The following SLC43A2 variants were observed in gnomAD, a reference collection of about 807,000 sequenced individuals.
SLC43A2 encodes the protein solute carrier family 43 member 2.
A neutral mutation model predicts 63.2 loss-of-function variants in SLC43A2; 38 were observed. That is an observed-to-expected ratio of 0.60 (90% CI 0.46 to 0.79). The LOEUF (loss-of-function observed/expected upper bound fraction) is 0.79. Among genes scored for constraint, SLC43A2 ranks in the 30% least tolerant of loss-of-function variants. SLC43A2 has a pLI of 0.00. For missense variants in SLC43A2, 644 were observed against 756.2 expected, an observed-to-expected ratio of 0.85 and a Z score of 1.74; for synonymous variants, 322 against 331.0, an observed-to-expected ratio of 0.97 and a Z score of 0.30.
At chr17:1,604,933 C>CG in intron 5 of SLC43A2, 1 of 1,520,860 alleles carries the variant, frequency 6.6e-7, no homozygotes, top group East Asian at 2.5e-5. Flanking sequence ...TTCGAAGCCG[C>CG]GGTGCCGGAG....
intron 6 of SLC43A2, 30 bp from the exon 7 acceptor site, chr17:1,591,729 G>GT (rs1466406301): frequency 7.0e-6 from 6 of 854,688 alleles, no homozygotes; most frequent in Non-Finnish European, 1.1e-5. Context: ...CGGGGTGGGG[G>GT]GGGGAGGGGG....
At chr17:1,586,926 A>T in intron 9 of SLC43A2, 2 of 1,214,410 alleles carry the variant, frequency 1.6e-6, no homozygotes, top group Non-Finnish European at 2.3e-6. Context: ...ATTCCCTGAC[A>T]ATCCCCCCCA....
intron 5 of SLC43A2, among the ~76,000 whole-genome samples, chr17:1,611,762 G>A (rs1220885544): frequency 6.6e-6 from 1 of 152,188 alleles, no homozygotes; most frequent in Non-Finnish European, 1.5e-5. Flanking sequence ...AGTAATGGTA[G>A]GTACTGTGTC....
chr17:1,579,830 C>A (rs1433626327), intron 11 of SLC43A2, among the ~76,000 whole-genome samples: 1 of 151,902 alleles, frequency 6.6e-6, no homozygotes, highest in Admixed American at 6.6e-5. Flanking sequence ...GGAGTGAGAC[C>A]CTGTCTCAAA....
intron 5 of SLC43A2, among the ~76,000 whole-genome samples, chr17:1,594,651 T>C (rs12946736): frequency 2.9e-5 from 4 of 136,200 alleles, no homozygotes; most frequent in African/African-American, 8.3e-5. Context: ...GCAGTGGCTC[T>C]ATCTCGGCTC....
intron 2 of SLC43A2, among the ~76,000 whole-genome samples, chr17:1,625,439 C>T (rs763532856): frequency 2.6e-5 from 4 of 152,336 alleles, no homozygotes; most frequent in East Asian, 1.9e-4. Context: ...TCTCAATCAG[C>T]CGGACACTGC....
intron 2 of SLC43A2, among the ~76,000 whole-genome samples, chr17:1,626,726 G>A (rs1025969313): frequency 6.6e-6 from 1 of 152,214 alleles, no homozygotes; most frequent in African/African-American, 2.4e-5. Context: ...GATTCAGGAA[G>A]TCAAACCTGG....
chr17:1,613,566 C>T (rs1907321917), intron 4 of SLC43A2, among the ~76,000 whole-genome samples: 1 of 152,190 alleles, frequency 6.6e-6, no homozygotes, highest in South Asian at 2.1e-4. Context: ...GATCCTCCTG[C>T]CTCAGCCTCC....
intron 5 of SLC43A2, among the ~76,000 whole-genome samples, chr17:1,599,488 C>T (rs1567629865): frequency 6.6e-6 from 1 of 150,820 alleles, no homozygotes; most frequent in East Asian, 2.0e-4. Flanking sequence ...TCACTTGAGG[C>T]CAGCAGTTCA....
chr17:1,588,071 G>A (rs545643138), intron 9 of SLC43A2, among the ~76,000 whole-genome samples: 6 of 152,252 alleles, frequency 3.9e-5, no homozygotes, highest in Admixed American at 6.5e-5. Context: ...GGGCACTGCT[G>A]AGGACAGCAT....
rs141016080 is a variant in SLC43A2 at position 1,575,629 on chromosome 17, G to A, written c.1685C>T (p.Ser562Leu). The change falls in exon 14 of 14, where the codon TCG becomes TTG. Residue 562 changes from serine (S) to leucine (L), a missense_variant. By Grantham distance (145) the Ser-to-Leu change is moderately radical. Coordinates refer to ENST00000301335, the MANE Select transcript of SLC43A2 (RefSeq NM_152346.3). ...DDKLFLKING[S>L]SNQEAFV is the part of the protein sequence containing the mutation. ...CTACACGAAGGCCTCCTGGTTGGAC[G>A]AGCCGTTGATTTTGAGGAAGAGTTT... 41 of 1,614,028 alleles carry A rather than the reference G, an allele frequency of 2.5e-5. No individual in the cohort carries two copies. The highest frequency in any genetic ancestry group is 5.3e-5 in the African/African-American group (4 of 74,936).
intron 3 of SLC43A2, among the ~76,000 whole-genome samples, chr17:1,615,975 A>C (rs1275832803): frequency 1.4e-5 from 2 of 145,734 alleles, no homozygotes; most frequent in Non-Finnish European, 3.0e-5. Flanking sequence ...CTGGGGAGGC[A>C]GAGGTTGCCG....
intron 9 of SLC43A2, among the ~76,000 whole-genome samples, chr17:1,590,350 A>T (rs1255827225): frequency 6.6e-6 from 1 of 152,018 alleles, no homozygotes; most frequent in Non-Finnish European, 1.5e-5. Context: ...TGCAGATCCC[A>T]GTGTGGGCCA....
At chr17:1,581,563 T>A (rs1487713945) in intron 11 of SLC43A2, among the ~76,000 whole-genome samples, 2 of 152,218 alleles carry the variant, frequency 1.3e-5, no homozygotes, top group Non-Finnish European at 2.9e-5. Flanking sequence ...AGGGAGGGAC[T>A]CTTACTTCCC....
At position 1,627,648 on chromosome 17, in the gene SLC43A2, C is replaced by T. The variant is rs1908779582; in HGVS notation, c.160+67G>A. ...GTGCTGTGGCTCGCTAGGTCTTCGC[C>T]CCCATCCCGCCCCCTCCCAAAGCCC... On this transcript the variant is annotated intron_variant, in intron 2 of 13. Coordinates refer to ENST00000301335, the MANE Select transcript of SLC43A2 (RefSeq NM_152346.3). The T allele has an allele frequency of 4.6e-6, 3 of 650,792 alleles. No individual in the cohort carries two copies. In the South Asian group the frequency reaches 6.5e-5, roughly 14 times the overall value. 40.3% of individuals were successfully genotyped at this position (650,792 alleles called of 1,614,324 possible).
At chr17:1,587,054 CA>C in intron 9 of SLC43A2, 1 of 1,317,590 alleles carries the variant, frequency 7.6e-7, no homozygotes, top group Non-Finnish European at 1.0e-6. Flanking sequence ...GAGGCAGGCT[CA>C]CTCCATGCCC....
At chr17:1,576,068 G>A (rs1343358354) in intron 13 of SLC43A2, among the ~76,000 whole-genome samples, 2 of 139,150 alleles carry the variant, frequency 1.4e-5, no homozygotes, top group South Asian at 2.3e-4. Flanking sequence ...GACAGGAACT[G>A]TGTTCTTTTT....
chr17:1,621,499 T>G (rs559714214), intron 2 of SLC43A2, among the ~76,000 whole-genome samples: 3 of 152,106 alleles, frequency 2.0e-5, no homozygotes, highest in Admixed American at 2.0e-4. Context: ...GCAGGGGAGA[T>G]GTAGGTGAGA....
intron 2 of SLC43A2, among the ~76,000 whole-genome samples, chr17:1,626,381 C>G (rs1359173375): frequency 1.3e-5 from 2 of 152,146 alleles, no homozygotes; most frequent in Admixed American, 6.5e-5. Context: ...TCTGACTCTT[C>G]CCAACTCCCA....
Sources: gnomAD v4.1 joint callset for allele counts (sites outside exome capture counted in the v4.1 genomes callset) on GRCh38, gnomAD v4.1.1 for gene constraint, MANE v1.5 for transcripts, NCBI Gene and HGNC (gene_info 2026-07-23, HGNC 2026-07-21) for gene names.